The following NEDD4 variants were observed in gnomAD, a reference collection of about 807,000 sequenced individuals.
NEDD4 encodes NEDD4 E3 ubiquitin protein ligase.
A neutral mutation model predicts 144.9 loss-of-function variants in NEDD4; 99 were observed. The observed-to-expected ratio is 0.68, with a 90% CI of 0.58 to 0.81. NEDD4 has a LOEUF of 0.81. Among genes scored for constraint, NEDD4 ranks in the 30% least tolerant of loss-of-function variants. NEDD4 has a pLI of 0.00. For synonymous variants in NEDD4, 318 were observed against 350.6 expected (o/e 0.91, Z 1.04); for missense variants, 985 against 1,065.9 (o/e 0.92, Z 1.06).
intron 5 of NEDD4, among the ~76,000 whole-genome samples, chr15:55,898,108 C>T (rs1566939154): frequency 1.3e-5 from 2 of 152,146 alleles, no homozygotes; most frequent in Non-Finnish European, 2.9e-5. Flanking sequence ...ATAAAACTAC[C>T]CCACTTAATA....
intron 4 of NEDD4, among the ~76,000 whole-genome samples, chr15:55,942,547 T>G (rs1018137624): frequency 1.3e-5 from 2 of 152,278 alleles, no homozygotes; most frequent in African/African-American, 4.8e-5. Context: ...CTGGCCATGT[T>G]AGATGAGCCT....
chr15:55,950,679 C>T (rs1553739), intron 4 of NEDD4, among the ~76,000 whole-genome samples: 20,437 of 151,978 alleles, frequency 0.13, 1,504 homozygotes, highest in East Asian at 0.32. Context: ...GCAGAAATGA[C>T]GAGGGCAGAC....
intron 5 of NEDD4, among the ~76,000 whole-genome samples, chr15:55,898,554 C>T (rs1460669399): frequency 6.6e-6 from 1 of 150,658 alleles, no homozygotes; most frequent in Non-Finnish European, 1.5e-5. Context: ...TATATATGTT[C>T]TTTGTCTTCC....
chr15:55,862,459 T>C (rs190715261), intron 9 of NEDD4, among the ~76,000 whole-genome samples: 40 of 152,324 alleles, frequency 2.6e-4, no homozygotes, highest in African/African-American at 9.1e-4. Flanking sequence ...TATGTGGACA[T>C]TGACCAGACT....
intron 5 of NEDD4, among the ~76,000 whole-genome samples, chr15:55,904,254 G>A (rs2036011905): frequency 6.6e-6 from 1 of 152,116 alleles, no homozygotes. Context: ...AACTCTACTA[G>A]AAGGCTGTTA....
At position 55,869,561 on chromosome 15, in the gene NEDD4, AT is replaced by A; in HGVS notation, c.507+17del. On this transcript the variant is annotated intron_variant, in intron 8 of 28. Coordinates refer to ENST00000435532, the MANE Select transcript of NEDD4 (RefSeq NM_006154.4). ...ATTAAAATTTTTTTAGTTTAACCAA[AT>A]ATTTATAAAATCTCACCTCTAATTC... The A allele has an allele frequency of 6.7e-7, 1 of 1,488,802 alleles. No homozygotes were observed. The highest frequency in any genetic ancestry group is 2.4e-5 in the East Asian group (1 of 41,258). 92.2% of individuals were successfully genotyped at this position (1,488,802 alleles called of 1,614,324 possible). A position where few individuals can be genotyped will look rare whatever the true frequency, so the allele number is the denominator to read the frequency against.
intron 5 of NEDD4, among the ~76,000 whole-genome samples, chr15:55,892,752 T>G (rs2035613452): frequency 6.6e-6 from 1 of 152,192 alleles, no homozygotes; most frequent in African/African-American, 2.4e-5. Context: ...CATAGTGTTA[T>G]GCAGCTTGCT....
chr15:55,939,298 C>G (rs1333414162), intron 4 of NEDD4, among the ~76,000 whole-genome samples: 2 of 152,076 alleles, frequency 1.3e-5, no homozygotes, highest in African/African-American at 4.8e-5. Context: ...CTCTGGAGAT[C>G]TGACAGTTTT....
intron 2 of NEDD4, among the ~76,000 whole-genome samples, chr15:55,961,255 C>T (rs746661355): frequency 6.6e-6 from 1 of 152,044 alleles, no homozygotes; most frequent in Non-Finnish European, 1.5e-5. Flanking sequence ...AGAGTCTCAT[C>T]AGGGCAGGGC....
rs114166493 is a variant in NEDD4, at chr15:55,942,001, C to T, written c.237+9375G>A. ...ACACTTGGGTATTAGCTGTAGTGTA[C>T]TATACATGTCAAACAGGTTAACATG... On this transcript the variant is annotated intron_variant, in intron 4 of 28. Coordinates refer to ENST00000435532, the MANE Select transcript of NEDD4 (RefSeq NM_006154.4). 3.3e-3 allele frequency among the ~76,000 whole-genome samples: 506 copies of T among 152,100 alleles called. 5 individuals are homozygous for T. Among genetic ancestry groups the T allele is most frequent in the African/African-American group, 0.012 (478 of 41,498 alleles).
chr15:55,986,408 T>C (rs1271607960), intron 1 of NEDD4, among the ~76,000 whole-genome samples: 2 of 152,124 alleles, frequency 1.3e-5, no homozygotes, highest in Non-Finnish European at 2.9e-5. Context: ...ACTGACAGTG[T>C]TGGGACAAGT....
At chr15:55,935,032 C>A (rs1246498211) in intron 4 of NEDD4, among the ~76,000 whole-genome samples, 1 of 151,830 alleles carries the variant, frequency 6.6e-6, no homozygotes, top group African/African-American at 2.4e-5. Context: ...CCATGCCTGG[C>A]TAATTTTGCA....
At chr15:55,878,913 C>T (rs1407829768) in intron 5 of NEDD4, among the ~76,000 whole-genome samples, 3 of 152,242 alleles carry the variant, frequency 2.0e-5, no homozygotes, top group African/African-American at 7.2e-5. Flanking sequence ...ACCTCCGCCT[C>T]CCTCGTTCAA....
intron 5 of NEDD4, among the ~76,000 whole-genome samples, chr15:55,883,343 T>C (rs1235415808): frequency 2.0e-5 from 3 of 152,114 alleles, no homozygotes; most frequent in Non-Finnish European, 2.9e-5. Context: ...GTCTTATGGT[T>C]TGTGTGTCCA....
intron 8 of NEDD4, among the ~76,000 whole-genome samples, chr15:55,866,637 A>T (rs1026774956): frequency 7.9e-5 from 12 of 152,170 alleles, no homozygotes; most frequent in Non-Finnish European, 1.8e-4. Flanking sequence ...GTAGCAAAAG[A>T]ATATTTCTTT....
At chr15:55,942,792 T>C (rs1188022366) in intron 4 of NEDD4, among the ~76,000 whole-genome samples, 1 of 152,084 alleles carries the variant, frequency 6.6e-6, no homozygotes, top group African/African-American at 2.4e-5. Context: ...TAGAAGTGGG[T>C]AATGGACAGA....
At chr15:55,883,435 A>G (rs1476369458) in intron 5 of NEDD4, among the ~76,000 whole-genome samples, 2 of 152,140 alleles carry the variant, frequency 1.3e-5, no homozygotes, top group Admixed American at 6.5e-5. Context: ...GCATCTCTGA[A>G]TGCACTCTGG....
intron 4 of NEDD4, among the ~76,000 whole-genome samples, chr15:55,943,961 C>A (rs1237327236): frequency 6.6e-6 from 1 of 152,230 alleles, no homozygotes; most frequent in East Asian, 1.9e-4. Context: ...ATCAGTGTGG[C>A]CTGGATGTGA....
At chr15:55,972,907 A>G (rs1198736750) in intron 1 of NEDD4, among the ~76,000 whole-genome samples, 5 of 152,238 alleles carry the variant, frequency 3.3e-5, no homozygotes, top group East Asian at 1.9e-4. Context: ...ACACAATGAT[A>G]AAGGCATCAT....
Sources: allele counts gnomAD v4.1 joint callset (sites outside exome capture counted in the v4.1 genomes callset), GRCh38; gene constraint gnomAD v4.1.1; transcripts MANE v1.5; gene names NCBI Gene and HGNC (gene_info 2026-07-23, HGNC 2026-07-21).